Variants in TSHZ2 observed in about 807,000 individuals in gnomAD.
The protein encoded by TSHZ2 is teashirt homolog 2.
In TSHZ2, 21 loss-of-function variants were observed where a neutral mutation model predicts 74.4. That is an observed-to-expected ratio of 0.28 (90% CI 0.20 to 0.41). The LOEUF (loss-of-function observed/expected upper bound fraction) is 0.41, where lower values mean the gene tolerates loss of function less well. Ranked by LOEUF, TSHZ2 falls within the 10% of genes least tolerant of loss-of-function variation. The pLI is 1.00. For missense variants in TSHZ2, 1,244 were observed against 1,293.5 expected (o/e 0.96, Z 0.59); for synonymous variants, 540 against 515.3 (o/e 1.05, Z -0.65).
At chr20:53,309,699 G>A in intron 2 of TSHZ2, among the ~76,000 whole-genome samples, 1 of 152,278 alleles carries the variant, frequency 6.6e-6, no homozygotes, top group East Asian at 1.9e-4. Flanking sequence ...GTGTCAGCCT[G>A]GCTTTTGCAA....
rs548567037 is a variant in TSHZ2, at chr20:53,303,731, C to A, written c.*8+47160C>A. Among the ~76,000 whole-genome samples, 39 of 152,258 alleles carry A rather than the reference C, an allele frequency of 2.6e-4. 1 individual carries two copies. The South Asian group carries it at 7.5e-3, about 29-fold the overall frequency. ...GTATGTCTATGGACAAGAGAAGCAG[C>A]CTCTCTGTTCTTCAGTTTCCCCATC... On this transcript the variant is annotated intron_variant, in intron 2 of 2. Coordinates refer to ENST00000371497, the MANE Select transcript of TSHZ2 (RefSeq NM_173485.6).
chr20:53,015,367 T>C (rs771926474), intron 1 of TSHZ2, among the ~76,000 whole-genome samples: 1 of 152,206 alleles, frequency 6.6e-6, no homozygotes, highest in African/African-American at 2.4e-5. Context: ...TTTTTTGTTA[T>C]CACAGTTGGG....
At chr20:53,282,880 GCCACT>G (rs538691570) in intron 2 of TSHZ2, among the ~76,000 whole-genome samples, 115 of 152,288 alleles carry the variant, frequency 7.6e-4, no homozygotes, top group African/African-American at 2.7e-3. Context: ...TTCTCACTGT[GCCACT>G]CCCAGATCAG....
intron 2 of TSHZ2, among the ~76,000 whole-genome samples, chr20:53,478,914 C>T (rs1322112464): frequency 6.6e-6 from 1 of 152,000 alleles, no homozygotes; most frequent in African/African-American, 2.4e-5. Context: ...CCTATAATCC[C>T]AGCACTTTAG....
At chr20:53,119,377 A>C (rs1403403523) in intron 1 of TSHZ2, among the ~76,000 whole-genome samples, 1 of 152,204 alleles carries the variant, frequency 6.6e-6, no homozygotes, top group Non-Finnish European at 1.5e-5. Context: ...AACTTAAGCA[A>C]ATAGGGACGA....
intron 1 of TSHZ2, among the ~76,000 whole-genome samples, chr20:53,037,720 C>T (rs890096455): frequency 6.6e-6 from 1 of 152,154 alleles, no homozygotes; most frequent in Non-Finnish European, 1.5e-5. Flanking sequence ...TTAAATAAAA[C>T]GATATTCCCC....
intron 1 of TSHZ2, among the ~76,000 whole-genome samples, chr20:53,145,827 C>G (rs915650389): frequency 1.3e-5 from 2 of 152,194 alleles, no homozygotes; most frequent in African/African-American, 4.8e-5. Context: ...GAAATACGCA[C>G]AAGGCACAGA....
At chr20:53,016,698 T>C (rs1009097677) in intron 1 of TSHZ2, among the ~76,000 whole-genome samples, 2 of 152,178 alleles carry the variant, frequency 1.3e-5, no homozygotes, top group Admixed American at 1.3e-4. Flanking sequence ...CTGTATCAGA[T>C]AGAATTGGCT....
chr20:53,056,989 G>A (rs917052555), intron 1 of TSHZ2, among the ~76,000 whole-genome samples: 4 of 152,138 alleles, frequency 2.6e-5, no homozygotes, highest in African/African-American at 9.7e-5. Flanking sequence ...GGAGGGACCT[G>A]GTGGGAGGTC....
chr20:53,127,532 C>G (rs1221897919), intron 1 of TSHZ2, among the ~76,000 whole-genome samples: 1 of 151,978 alleles, frequency 6.6e-6, no homozygotes, highest in Non-Finnish European at 1.5e-5. Flanking sequence ...GTATTGAGAC[C>G]CTGTCTCCAA....
chr20:53,319,686 A>G (rs765283268), intron 2 of TSHZ2, among the ~76,000 whole-genome samples: 34 of 152,368 alleles, frequency 2.2e-4, no homozygotes, highest in Non-Finnish European at 4.6e-4. Context: ...GGGCTCTGTC[A>G]CTTACTGCTT....
intron 1 of TSHZ2, among the ~76,000 whole-genome samples, chr20:53,128,363 ATTGT>A (rs1230389325): frequency 6.6e-6 from 1 of 152,004 alleles, no homozygotes; most frequent in South Asian, 2.1e-4. Flanking sequence ...CCTTGGTTTT[ATTGT>A]TTGTTTGTTT....
chr20:53,352,147 G>A (rs1471447959), intron 2 of TSHZ2, among the ~76,000 whole-genome samples: 1 of 150,636 alleles, frequency 6.6e-6, no homozygotes, highest in Non-Finnish European at 1.5e-5. Context: ...CATAATGCAA[G>A]TGTGGAGCAT....
Position 53,107,695 on chromosome 20 carries a change from G to A in TSHZ2, c.40+134362G>A, listed in dbSNP as rs533435411. On this transcript the variant is annotated intron_variant, in intron 1 of 2. Coordinates refer to ENST00000371497, the MANE Select transcript of TSHZ2 (RefSeq NM_173485.6). ...ATGTGTGTGCATACACGTGGGTGCC[G>A]CACGTATCTTCCCAACAGGTCATGG... Among the ~76,000 whole-genome samples the A allele has an allele frequency of 3.2e-4, 49 of 152,226 alleles. No individual in the cohort carries two copies. The South Asian group carries it at 8.5e-3, about 27-fold the overall frequency.
chr20:53,330,185 CT>C (rs11478708), intron 2 of TSHZ2, among the ~76,000 whole-genome samples: 24,864 of 151,336 alleles, frequency 0.16, 2,648 homozygotes, highest in South Asian at 0.27. Flanking sequence ...AGTCTTTCAA[CT>C]TTTTTTTTAA....
intron 2 of TSHZ2, among the ~76,000 whole-genome samples, chr20:53,357,858 T>C (rs1980902641): frequency 6.6e-6 from 1 of 152,238 alleles, no homozygotes. Context: ...GGAGACCTTC[T>C]GACTCTGTTT....
chr20:53,241,447 A>G (rs1990068377), intron 1 of TSHZ2, among the ~76,000 whole-genome samples: 1 of 152,172 alleles, frequency 6.6e-6, no homozygotes, highest in Non-Finnish European at 1.5e-5. Flanking sequence ...CCCTTTTATC[A>G]TTAACTTTTT....
At chr20:53,167,198 C>G (rs1568791549) in intron 1 of TSHZ2, among the ~76,000 whole-genome samples, 2 of 152,182 alleles carry the variant, frequency 1.3e-5, no homozygotes, top group Non-Finnish European at 2.9e-5. Context: ...ATGTAGAGGC[C>G]AGCAGAGGCC....
At chr20:53,037,143 C>G (rs529906395) in intron 1 of TSHZ2, among the ~76,000 whole-genome samples, 37 of 152,124 alleles carry the variant, frequency 2.4e-4, no homozygotes, top group Non-Finnish European at 5.0e-4. Flanking sequence ...GATGAATTTT[C>G]AGGCGCCGCC....
Sources: gnomAD v4.1 joint callset for allele counts (sites outside exome capture counted in the v4.1 genomes callset) on GRCh38, gnomAD v4.1.1 for gene constraint, MANE v1.5 for transcripts, NCBI Gene and HGNC (gene_info 2026-07-23, HGNC 2026-07-21) for gene names.